The following OPCML variants were observed in gnomAD, a reference collection of about 807,000 sequenced individuals.
The protein encoded by OPCML is opioid-binding protein/cell adhesion molecule.
A neutral mutation model predicts 37.8 loss-of-function variants in OPCML; 13 were observed. That is an observed-to-expected ratio of 0.34 (90% CI 0.22 to 0.55). The LOEUF is 0.55. Ranked by LOEUF, OPCML falls within the 20% of genes least tolerant of loss-of-function variation. The pLI is 0.91. For missense variants in OPCML, 341 were observed against 435.6 expected, an observed-to-expected ratio of 0.78 and a Z score of 1.93; for synonymous variants, 176 against 168.8, an observed-to-expected ratio of 1.04 and a Z score of -0.33.
At chr11:132,649,295 G>A (rs73051150) in intron 3 of OPCML, among the ~76,000 whole-genome samples, 7,974 of 152,200 alleles carry the variant, frequency 0.052, 280 homozygotes, top group Non-Finnish European at 0.078. Flanking sequence ...TATAAACTGT[G>A]TTGTGAACTG....
intron 2 of OPCML, among the ~76,000 whole-genome samples, chr11:132,662,235 A>C (rs1215037179): frequency 6.6e-6 from 1 of 152,122 alleles, no homozygotes; most frequent in Non-Finnish European, 1.5e-5. Flanking sequence ...ATTTTCAACA[A>C]GTTCCCGGAT....
intron 1 of OPCML, among the ~76,000 whole-genome samples, chr11:133,287,250 T>TTTAA: frequency 6.7e-6 from 1 of 148,302 alleles, no homozygotes; most frequent in Non-Finnish European, 1.5e-5. Context: ...AAATATTTTT[T>TTTAA]TTAATTCTTT....
chr11:132,834,952 C>A (rs1282139068), intron 2 of OPCML, among the ~76,000 whole-genome samples: 1 of 151,100 alleles, frequency 6.6e-6, no homozygotes, highest in African/African-American at 2.4e-5. Flanking sequence ...GTCAATTAGC[C>A]CCTCAAGGCT....
At chr11:133,384,667 C>T (rs1045776453) in intron 1 of OPCML, among the ~76,000 whole-genome samples, 3 of 152,226 alleles carry the variant, frequency 2.0e-5, no homozygotes, top group African/African-American at 7.2e-5. Context: ...AAATGCCTCT[C>T]CAAAGCATCC....
At chr11:132,753,233 A>T (rs571865021) in intron 2 of OPCML, among the ~76,000 whole-genome samples, 3 of 152,254 alleles carry the variant, frequency 2.0e-5, no homozygotes, top group African/African-American at 7.2e-5. Flanking sequence ...ACATTCTCCC[A>T]GCACTCTGTA....
At position 132,473,102 on chromosome 11, in the gene OPCML, T is replaced by A. The variant is rs534242176; in HGVS notation, c.506-35743A>T. On this transcript the variant is annotated intron_variant, in intron 4 of 7. Transcript: ENST00000524381. ...AATGCACGGCAATGAAAAATTCTCA[T>A]TCAAATCAGTCAACTCTTCCATTAA... Among the ~76,000 whole-genome samples, 29 of 152,302 alleles carry A rather than the reference T, an allele frequency of 1.9e-4. No individual in the cohort carries two copies. In the South Asian group the frequency reaches 5.8e-3, roughly 30 times the overall value.
chr11:133,260,378 AG>A (rs1449557421), intron 1 of OPCML, among the ~76,000 whole-genome samples: 1 of 152,026 alleles, frequency 6.6e-6, no homozygotes, highest in Non-Finnish European at 1.5e-5. Context: ...CTGACTAAAG[AG>A]GGTCTGAGGC....
At chr11:133,188,095 T>C (rs1483044259) in intron 1 of OPCML, among the ~76,000 whole-genome samples, 2 of 152,240 alleles carry the variant, frequency 1.3e-5, no homozygotes, top group Non-Finnish European at 2.9e-5. Flanking sequence ...TACTATTTTG[T>C]TCTCAAGAGG....
In OPCML at chr11:132,591,180, G is replaced by GC. The variant is rs201450937; in HGVS notation, c.380-61995dup. Among the ~76,000 whole-genome samples, 102 of 152,160 alleles carry GC rather than the reference G, an allele frequency of 6.7e-4. 1 individual carries two copies. The East Asian group carries it at 0.019, about 28-fold the overall frequency. Reference sequence around the variant, plus strand: ...TCCTGCATGTGATGCCACAATCATCGCCCCCCTTTGGAGTTGCTGTGGAAA... The same window carrying GC: ...TCCTGCATGTGATGCCACAATCATCGCCCCCCCTTTGGAGTTGCTGTGGAAA... On this transcript the variant is annotated intron_variant, in intron 3 of 7. Transcript: ENST00000524381.
chr11:133,357,347 G>A (rs554583507), intron 1 of OPCML, among the ~76,000 whole-genome samples: 2 of 152,244 alleles, frequency 1.3e-5, no homozygotes, highest in Non-Finnish European at 2.9e-5. Context: ...GTCTCCCTAG[G>A]GTTGTGCTGA....
intron 3 of OPCML, among the ~76,000 whole-genome samples, chr11:132,612,819 G>T (rs993054493): frequency 2.6e-5 from 4 of 152,098 alleles, no homozygotes; most frequent in African/African-American, 7.2e-5. Context: ...AGATGGTTGG[G>T]CTCTGCAGTC....
At chr11:132,671,524 A>G (rs1942475982) in intron 2 of OPCML, among the ~76,000 whole-genome samples, 4 of 152,166 alleles carry the variant, frequency 2.6e-5, no homozygotes, top group Admixed American at 2.6e-4. Flanking sequence ...TTAGCTGCTG[A>G]GACTCTCTGA....
chr11:133,009,723 T>C (rs1364098681), intron 1 of OPCML, among the ~76,000 whole-genome samples: 1 of 152,206 alleles, frequency 6.6e-6, no homozygotes, highest in Non-Finnish European at 1.5e-5. Flanking sequence ...ACATGCGTAA[T>C]TCACAGCAGG....
At chr11:132,644,976 G>T (rs1941070097) in intron 3 of OPCML, among the ~76,000 whole-genome samples, 1 of 152,188 alleles carries the variant, frequency 6.6e-6, no homozygotes, top group African/African-American at 2.4e-5. Flanking sequence ...GAACACAGTT[G>T]CTAACTGGTC....
intron 1 of OPCML, among the ~76,000 whole-genome samples, chr11:132,984,920 G>A (rs142372941): frequency 1.3e-5 from 2 of 152,234 alleles, no homozygotes; most frequent in Non-Finnish European, 2.9e-5. Context: ...TTCGCTCACA[G>A]GCTCAGCCAA....
In OPCML at chr11:133,266,140, T is replaced by A. The variant is rs919918709; in HGVS notation, c.61+266124A>T. Among the ~76,000 whole-genome samples, 16 of 152,172 alleles carry A rather than the reference T, an allele frequency of 1.1e-4. 1 individual carries two copies. Among genetic ancestry groups the A allele is most frequent in the African/African-American group, 3.9e-4 (16 of 41,432 alleles). On this transcript the variant is annotated intron_variant, in intron 1 of 7. Coordinates refer to ENST00000524381, the MANE Select transcript of OPCML (RefSeq NM_001012393.5). ...TTTAAAAACAAACAAACCTGTTTTG[T>A]TAAAGAAATACACAAGGCAATATAA...
At chr11:133,497,771 G>A (rs1417063375) in intron 1 of OPCML, among the ~76,000 whole-genome samples, 1 of 152,176 alleles carries the variant, frequency 6.6e-6, no homozygotes, top group Non-Finnish European at 1.5e-5. Flanking sequence ...TCAGCAAAAG[G>A]CTGCAAACTG....
chr11:132,697,991 T>C (rs1328648097), intron 2 of OPCML, among the ~76,000 whole-genome samples: 12 of 42,592 alleles, frequency 2.8e-4, no homozygotes, highest in Non-Finnish European at 5.5e-4. Flanking sequence ...TATTTATTTA[T>C]TTATTTATTT....
intron 2 of OPCML, among the ~76,000 whole-genome samples, chr11:132,733,236 A>G (rs1321686749): frequency 6.6e-6 from 1 of 152,124 alleles, no homozygotes; most frequent in African/African-American, 2.4e-5. Context: ...AAGTCATGGA[A>G]GCCACATGAC....
Sources: allele counts gnomAD v4.1 joint callset (sites outside exome capture counted in the v4.1 genomes callset), GRCh38; gene constraint gnomAD v4.1.1; transcripts MANE v1.5; gene names NCBI Gene and HGNC (gene_info 2026-07-23, HGNC 2026-07-21).